The following GSE1 variants were observed in gnomAD, a reference collection of about 807,000 sequenced individuals.
The protein encoded by GSE1 is Gse1 coiled-coil protein.
A neutral mutation model predicts 112.6 loss-of-function variants in GSE1; 32 were observed. That is an observed-to-expected ratio of 0.28 (90% CI 0.21 to 0.38). The LOEUF (loss-of-function observed/expected upper bound fraction) is 0.38, where lower values mean the gene tolerates loss of function less well. Among genes scored for constraint, GSE1 ranks in the 10% least tolerant of loss-of-function variants. GSE1 has a pLI of 1.00. For synonymous variants in GSE1, 1,115 were observed against 735.6 expected (o/e 1.52, Z -8.35); for missense variants, 2,348 against 1,699.2 (o/e 1.38, Z -6.71).
At chr16:85,670,015 G>A (rs775075534) in intron 14 of GSE1, among the ~76,000 whole-genome samples, 1 of 152,220 alleles carries the variant, frequency 6.6e-6, no homozygotes, top group Non-Finnish European at 1.5e-5. Flanking sequence ...ACCCCAAAGA[G>A]TCCTGTTAGA....
At chr16:85,225,895 A>T (rs971746989) in intron 1 of GSE1, among the ~76,000 whole-genome samples, 3 of 152,178 alleles carry the variant, frequency 2.0e-5, no homozygotes, top group African/African-American at 7.2e-5. Flanking sequence ...TCAGCACGTC[A>T]ACTGGGGCTG....
chr16:85,494,901 C>T (rs2151900902), intron 2 of GSE1, among the ~76,000 whole-genome samples: 1 of 152,280 alleles, frequency 6.6e-6, no homozygotes, highest in South Asian at 2.1e-4. Context: ...GGTGCCGGGC[C>T]CTGTCCCCTG....
At chr16:85,332,124 A>C (rs1015903161) in intron 1 of GSE1, among the ~76,000 whole-genome samples, 1 of 152,152 alleles carries the variant, frequency 6.6e-6, no homozygotes, top group Admixed American at 6.5e-5. Flanking sequence ...CAGGGGGCCC[A>C]GACTCCCAGT....
intron 1 of GSE1, among the ~76,000 whole-genome samples, chr16:85,614,111 T>G (rs2048203730): frequency 9.0e-6 from 1 of 110,612 alleles, no homozygotes; most frequent in Non-Finnish European, 1.8e-5. Flanking sequence ...AGAAGATGGC[T>G]GCCCCAGCCT....
intron 2 of GSE1, among the ~76,000 whole-genome samples, chr16:85,640,787 G>A (rs1001786157): frequency 9.8e-5 from 15 of 152,386 alleles, no homozygotes; most frequent in South Asian, 2.1e-4. Context: ...CGCGCCTCGC[G>A]TGGGTGTCAG....
At chr16:85,479,767 G>T (rs938035444) in intron 2 of GSE1, among the ~76,000 whole-genome samples, 10 of 152,198 alleles carry the variant, frequency 6.6e-5, no homozygotes, top group African/African-American at 2.4e-4. Flanking sequence ...CATTTTCCAT[G>T]TGTCACTGTG....
intron 1 of GSE1, among the ~76,000 whole-genome samples, chr16:85,621,438 C>T (rs2151634193): frequency 1.3e-5 from 2 of 152,366 alleles, no homozygotes. Context: ...AGCCGATGTC[C>T]TGGCGTCCTT....
chr16:85,621,088 A>G (rs780354590), intron 1 of GSE1, among the ~76,000 whole-genome samples: 1 of 81,118 alleles, frequency 1.2e-5, no homozygotes, highest in Non-Finnish European at 2.5e-5. Flanking sequence ...GGATCTCTGC[A>G]CTGTTGGGGA....
chr16:85,396,590 A>C (rs1184541258), intron 2 of GSE1, among the ~76,000 whole-genome samples: 1 of 152,228 alleles, frequency 6.6e-6, no homozygotes, highest in Non-Finnish European at 1.5e-5. Context: ...GGAGGAGAGC[A>C]GTTGGCTGAA....
intron 2 of GSE1, among the ~76,000 whole-genome samples, chr16:85,447,526 G>A (rs1248203071): frequency 4.6e-5 from 7 of 152,232 alleles, no homozygotes; most frequent in African/African-American, 9.6e-5. Flanking sequence ...GGCTCACGCA[G>A]GTGCTCAGCA....
At chr16:85,606,843 G>C (rs1005955917), upstream of GSE1, among the ~76,000 whole-genome samples, 1 of 152,206 alleles carries the variant, frequency 6.6e-6, no homozygotes, top group African/African-American at 2.4e-5. Flanking sequence ...TGGCAGAAGC[G>C]TCCAAAACTC....
At chr16:85,619,982 G>A (rs2048627906) in intron 1 of GSE1, among the ~76,000 whole-genome samples, 1 of 152,146 alleles carries the variant, frequency 6.6e-6, no homozygotes, top group Non-Finnish European at 1.5e-5. Context: ...GTCACCGGCT[G>A]CTTCGGAAGG....
chr16:85,345,231 A>G (rs1380170240), intron 1 of GSE1, among the ~76,000 whole-genome samples: 1 of 152,256 alleles, frequency 6.6e-6, no homozygotes, highest in Non-Finnish European at 1.5e-5. Flanking sequence ...CAAAGGAAGA[A>G]CAGTATTTCA....
At chr16:85,628,972 G>C (rs1328437081) in intron 1 of GSE1, among the ~76,000 whole-genome samples, 1 of 152,164 alleles carries the variant, frequency 6.6e-6, no homozygotes, top group African/African-American at 2.4e-5. Context: ...TGGATCATGG[G>C]GGTGGATCTC....
At chr16:85,397,369 G>C (rs1224676371) in intron 2 of GSE1, among the ~76,000 whole-genome samples, 1 of 152,230 alleles carries the variant, frequency 6.6e-6, no homozygotes, top group East Asian at 1.9e-4. Context: ...CGCTGATGCA[G>C]GTGCTGAGCC....
At position 85,486,239 on chromosome 16, in the gene GSE1, T is replaced by A. The variant is rs765187891; in HGVS notation, c.2464+128596T>A. ...ACTCACACATAACACGCTTGCACAC[T>A]CACACACTCATTCACATGCTCCCTT... On this transcript the variant is annotated intron_variant, in intron 2 of 2. Transcript: ENST00000637419. Among the ~76,000 whole-genome samples the A allele has an allele frequency of 5.9e-5, 9 of 152,128 alleles. No individual in the cohort carries two copies. In the South Asian group the frequency reaches 6.2e-4, roughly 10 times the overall value.
chr16:85,465,796 C>T (rs1031119180), intron 2 of GSE1, among the ~76,000 whole-genome samples: 1 of 152,366 alleles, frequency 6.6e-6, no homozygotes, highest in Middle Eastern at 3.4e-3. Context: ...ACACTCTGAT[C>T]TCAGAATCTT....
intron 1 of GSE1, among the ~76,000 whole-genome samples, chr16:85,294,610 C>CCTCTCTCTCTCTCTCTCTCTCTCT (rs1199580682): frequency 1.2e-5 from 1 of 83,136 alleles, no homozygotes; most frequent in Admixed American, 1.2e-4. Flanking sequence ...TGCCAGCACG[C>CCTCTCTCTCTCTCTCTCTCTCTCT]CTCTCACTCT....
chr16:85,499,332 A>G, intron 2 of GSE1, among the ~76,000 whole-genome samples: 1 of 100,356 alleles, frequency 1.0e-5, no homozygotes, highest in Admixed American at 1.4e-4. Flanking sequence ...TTTTTTTGAG[A>G]CAGAGTCTCA....
Sources: allele counts gnomAD v4.1 joint callset (sites outside exome capture counted in the v4.1 genomes callset), GRCh38; gene constraint gnomAD v4.1.1; transcripts MANE v1.5; gene names NCBI Gene and HGNC (gene_info 2026-07-23, HGNC 2026-07-21).